GDAP1L1: variants seen among roughly 807,000 people sequenced by gnomAD.
GDAP1L1 encodes ganglioside induced differentiation associated protein 1 like 1.
A neutral mutation model predicts 37.1 loss-of-function variants in GDAP1L1; 21 were observed. The ratio of observed to expected loss-of-function variants is 0.57; its 90% CI spans 0.40 to 0.81. GDAP1L1 has a LOEUF of 0.81. Ranked by LOEUF, GDAP1L1 falls within the 40% of genes least tolerant of loss-of-function variation. GDAP1L1 has a pLI of 0.00. For missense variants in GDAP1L1, 362 were observed against 491.6 expected (o/e 0.74, Z 2.49); for synonymous variants, 193 against 209.1 (o/e 0.92, Z 0.67).
chr20:44,278,931 C>G, intron 5 of GDAP1L1, 26 bp from the exon 6 acceptor site: 1 of 1,498,652 alleles, frequency 6.7e-7, no homozygotes, highest in Non-Finnish European at 9.2e-7. Flanking sequence ...GGCTGATCCC[C>G]TTGCCTCCTC....
intron 5 of GDAP1L1, among the ~76,000 whole-genome samples, chr20:44,273,236 T>C (rs2062538672): frequency 6.6e-6 from 1 of 152,186 alleles, no homozygotes; most frequent in Non-Finnish European, 1.5e-5. Context: ...TAACATCACC[T>C]TTATAGAGTT....
chr20:44,255,373 C>A (rs2073518096), intron 1 of GDAP1L1, among the ~76,000 whole-genome samples: 1 of 151,716 alleles, frequency 6.6e-6, no homozygotes, highest in African/African-American at 2.4e-5. Flanking sequence ...GAAACCCCAT[C>A]TCTACTAAAA....
intron 4 of GDAP1L1, among the ~76,000 whole-genome samples, chr20:44,263,972 G>A (rs2073718519): frequency 6.6e-6 from 1 of 152,218 alleles, no homozygotes; most frequent in African/African-American, 2.4e-5. Context: ...GGAGGGATAA[G>A]GAAGAGGAAG....
chr20:44,266,022 C>G (rs1377813543), intron 5 of GDAP1L1, among the ~76,000 whole-genome samples: 7 of 152,186 alleles, frequency 4.6e-5, no homozygotes, highest in Admixed American at 4.6e-4. Flanking sequence ...CAAAGGGGAA[C>G]TTTTGGCTGG....
intron 3 of GDAP1L1, 36 bp downstream of exon 3, chr20:44,258,643 TC>T: frequency 6.7e-7 from 1 of 1,500,202 alleles, no homozygotes; most frequent in Non-Finnish European, 9.1e-7. Context: ...CCCTCTGCTT[TC>T]CCCCTTTGCG....
intron 1 of GDAP1L1, among the ~76,000 whole-genome samples, chr20:44,256,292 G>A (rs1172487611): frequency 6.6e-6 from 1 of 152,142 alleles, no homozygotes; most frequent in African/African-American, 2.4e-5. Flanking sequence ...GAAATAAAGG[G>A]CTCGACTAAT....
intron 5 of GDAP1L1, among the ~76,000 whole-genome samples, chr20:44,271,471 G>A (rs973820446): frequency 2.0e-5 from 3 of 152,092 alleles, no homozygotes; most frequent in African/African-American, 7.2e-5. Flanking sequence ...GTGTGCCCTC[G>A]GCTTTCTACC....
intron 3 of GDAP1L1, among the ~76,000 whole-genome samples, chr20:44,262,981 AT>A (rs2073699612): frequency 6.6e-6 from 1 of 151,984 alleles, no homozygotes. Context: ...AAGTGTTAGG[AT>A]TACAGGGGTG....
At chr20:44,276,948 G>T (rs1261742330) in intron 5 of GDAP1L1, among the ~76,000 whole-genome samples, 1 of 152,172 alleles carries the variant, frequency 6.6e-6, no homozygotes, top group Non-Finnish European at 1.5e-5. Flanking sequence ...TCACATGCCA[G>T]CTTCTCCTGG....
rs2062615516 is a variant in GDAP1L1, at chr20:44,279,144, T to C, written c.948T>C (p.Gly316=). The C allele has an allele frequency of 3.1e-6, 5 of 1,614,140 alleles. No homozygotes were observed. Among genetic ancestry groups the C allele is most frequent in the Non-Finnish European group, 4.2e-6 (5 of 1,179,990 alleles). Residue 316 remains glycine, a synonymous_variant, in exon 6 of 6, where the codon GGT becomes GGC. Coordinates refer to ENST00000342560, the MANE Select transcript of GDAP1L1 (RefSeq NM_024034.6). ...GCTTTGCCTTCCGGAAAGTCCTGGG[T>C]GACATCCACACCACCCTGCTGTCGG... The part of the protein sequence containing the change: ...QRRFAFRKVL[G]DIHTTLLSAV...
chr20:44,273,738 A>C (rs2062544333), intron 5 of GDAP1L1, among the ~76,000 whole-genome samples: 1 of 149,932 alleles, frequency 6.7e-6, no homozygotes, highest in African/African-American at 2.5e-5. Flanking sequence ...TCCCCCCTTC[A>C]CTCTCTAGAT....
intron 3 of GDAP1L1, 91 bp downstream of exon 3, chr20:44,258,698 T>C (rs768131996): frequency 3.2e-4 from 286 of 902,212 alleles, no homozygotes; most frequent in Non-Finnish European, 4.4e-4. Flanking sequence ...CCTGGGCCTC[T>C]CTCTGTCCTC....
intron 5 of GDAP1L1, among the ~76,000 whole-genome samples, chr20:44,269,246 T>A (rs1360558877): frequency 5.3e-5 from 8 of 151,976 alleles, no homozygotes; most frequent in Non-Finnish European, 1.0e-4. Context: ...ATGAGCAAAA[T>A]CCAGATGTCA....
At chr20:44,254,079 G>T (rs1470291678) in intron 1 of GDAP1L1, among the ~76,000 whole-genome samples, 2 of 152,192 alleles carry the variant, frequency 1.3e-5, no homozygotes, top group East Asian at 1.9e-4. Context: ...AAGAGAAGGG[G>T]GCTTTCTGCT....
In GDAP1L1 at chr20:44,264,680, T is replaced by C. The variant is rs2073734004; in HGVS notation, c.760+121T>C. The C allele has an allele frequency of 4.7e-6, 7 of 1,502,918 alleles. No individual in the cohort carries two copies. In the East Asian group the frequency reaches 1.9e-4, roughly 40 times the overall value. 93.1% of individuals were successfully genotyped at this position (1,502,918 alleles called of 1,614,324 possible). A position where few individuals can be genotyped will look rare whatever the true frequency, so the allele number is the denominator to read the frequency against. On this transcript the variant is annotated intron_variant, in intron 5 of 5. Coordinates refer to ENST00000342560, the MANE Select transcript of GDAP1L1 (RefSeq NM_024034.6). ...AGGACCTCCCAGGTGGTTAAGAGGA[T>C]GGGCTATGGAGTCAGACTAAGGTTC...
intron 5 of GDAP1L1, among the ~76,000 whole-genome samples, chr20:44,266,201 G>A (rs1364793894): frequency 2.0e-5 from 3 of 152,094 alleles, no homozygotes; most frequent in South Asian, 2.1e-4. Context: ...CCAGCTACTC[G>A]AGAGGCTGAG....
rs1049770835 is a variant in GDAP1L1, at chr20:44,262,510, G to T, written c.548-720G>T. Reference sequence around the variant, plus strand: ...GACCAGGTCTAGGGTTGGGTCTATCGGTTTCTGGCATCTACTACTCGTCCT... The same window carrying T: ...GACCAGGTCTAGGGTTGGGTCTATCTGTTTCTGGCATCTACTACTCGTCCT... On this transcript the variant is annotated intron_variant, in intron 3 of 5. Transcript: ENST00000342560. Among the ~76,000 whole-genome samples, 7 of 151,926 alleles carry T rather than the reference G, an allele frequency of 4.6e-5. No individual in the cohort carries two copies. In the South Asian group the frequency reaches 1.5e-3, roughly 32 times the overall value.
chr20:44,280,078 G>C lies in GDAP1L1; in HGVS notation c.*778G>C, dbSNP rs566033886. ...AGCCATGTTGACCCTCTCTCAGAAGGTCAGTCCAGCCCAAGTGCAGGGGCG... is the reference window on the plus strand; with the variant it reads ...AGCCATGTTGACCCTCTCTCAGAAGCTCAGTCCAGCCCAAGTGCAGGGGCG... On this transcript the variant is annotated 3_prime_UTR_variant, in exon 6 of 6. Transcript: ENST00000342560. 4.6e-5 allele frequency: 15 copies of C among 327,524 alleles called. No individual in the cohort carries two copies. Among genetic ancestry groups the C allele is most frequent in the South Asian group, 2.9e-4 (11 of 38,404 alleles). The allele number at this position is 327,524 out of a possible 1,614,324, so 20.3% of individuals were successfully genotyped here. A position where few individuals can be genotyped will look rare whatever the true frequency, so the allele number is the denominator to read the frequency against.
chr20:44,249,337 C>T (rs1200269332), intron 1 of GDAP1L1, among the ~76,000 whole-genome samples: 1 of 152,072 alleles, frequency 6.6e-6, no homozygotes, highest in African/African-American at 2.4e-5. Context: ...CAGGAGCGGC[C>T]GTTATGATGT....
Sources: gnomAD v4.1 joint callset for allele counts (sites outside exome capture counted in the v4.1 genomes callset) on GRCh38, gnomAD v4.1.1 for gene constraint, MANE v1.5 for transcripts, NCBI Gene and HGNC (gene_info 2026-07-23, HGNC 2026-07-21) for gene names.